The following LYPD1 variants were observed in gnomAD, a reference collection of about 807,000 sequenced individuals.
LYPD1 encodes the protein ly6/PLAUR domain-containing protein 1.
Under a neutral mutation model 14.2 loss-of-function variants are expected in LYPD1, and 14 were observed. The observed-to-expected ratio is 0.99, with a 90% CI of 0.65 to 1.54. The LOEUF (loss-of-function observed/expected upper bound fraction) is 1.54, where lower values mean the gene tolerates loss of function less well. Among genes scored for constraint, LYPD1 ranks in the 40% most tolerant of loss-of-function variants. The pLI is 0.00. For synonymous variants in LYPD1, 85 were observed against 70.6 expected, an observed-to-expected ratio of 1.20 and a Z score of -1.02; for missense variants, 165 against 175.7, an observed-to-expected ratio of 0.94 and a Z score of 0.34.
intron 2 of LYPD1, among the ~76,000 whole-genome samples, chr2:132,647,675 T>TGATAGTGTTTAATAC (rs1682177909): frequency 1.4e-5 from 2 of 145,590 alleles, no homozygotes; most frequent in East Asian, 3.9e-4. Context: ...TTTGGATAGA[T>TGATAGTGTTTAATAC]GATAGTGTTT....
rs766593818 is a variant in LYPD1, at chr2:132,645,620, G to C, written c.*425C>G. The C allele has an allele frequency of 6.2e-7, 1 of 1,602,480 alleles. No homozygotes were observed. The highest frequency in any genetic ancestry group is 2.2e-5 in the East Asian group (1 of 44,756). On this transcript the variant is annotated 3_prime_UTR_variant, in exon 3 of 3. Transcript: ENST00000397463. ...CATGAAGTTTGAATGTCAAGCGAGG[G>C]AGCCTTGAGTGGGAACTGGCCCTCC...
Position 132,645,391 on chromosome 2 carries a change from G to A in LYPD1, c.*654C>T, listed in dbSNP as rs559802992. 1.2e-6 allele frequency: 2 copies of A among 1,613,540 alleles called. No individual in the cohort carries two copies. The highest frequency in any genetic ancestry group is 1.1e-5 in the South Asian group (1 of 91,062). ...GCGCGTACATGCGCACTCCACCACC[G>A]ACAGCGCCCGCTTTGTGCAGCGCCC... On this transcript the variant is annotated 3_prime_UTR_variant, in exon 3 of 3. Coordinates refer to ENST00000397463, the MANE Select transcript of LYPD1 (RefSeq NM_144586.7).
chr2:132,646,560 T>C (rs1281029617), intron 2 of LYPD1: 1 of 323,058 alleles, frequency 3.1e-6, no homozygotes, highest in Non-Finnish European at 5.6e-6. Context: ...AATAGACTTA[T>C]TTACATTTTA....
chr2:132,667,570 T>C (rs1439607649), intron 2 of LYPD1, among the ~76,000 whole-genome samples: 1 of 152,230 alleles, frequency 6.6e-6, no homozygotes, highest in Non-Finnish European at 1.5e-5. Flanking sequence ...GTTATGCTAT[T>C]TCCCATCCTT....
rs192160380 is a variant in LYPD1, at chr2:132,663,565, C to T, written c.190+4835G>A. 5.9e-5 allele frequency among the ~76,000 whole-genome samples: 9 copies of T among 152,322 alleles called. 1 individual carries two copies. Among genetic ancestry groups the T allele is most frequent in the East Asian group, 5.8e-4 (3 of 5,186 alleles). On this transcript the variant is annotated intron_variant, in intron 2 of 2. Coordinates refer to ENST00000397463, the MANE Select transcript of LYPD1 (RefSeq NM_144586.7). Reference sequence around the variant, plus strand: ...TGCTGGGATTACAGGCATGAGCCGCCGTGCCCAGCTTCATTTTAAAGTTTT... The same window carrying T: ...TGCTGGGATTACAGGCATGAGCCGCTGTGCCCAGCTTCATTTTAAAGTTTT...
At chr2:132,656,930 A>G (rs1225016999) in intron 2 of LYPD1, among the ~76,000 whole-genome samples, 1 of 152,192 alleles carries the variant, frequency 6.6e-6, no homozygotes, top group Non-Finnish European at 1.5e-5. Context: ...TGAGAATAAT[A>G]TTAAGGGGCT....
In LYPD1 at chr2:132,669,126, C is replaced by T. The variant is rs1036698819; in HGVS notation, c.53-589G>A. ...AAGTCCCCGAGCCCGGGTCGGCGGC[C>T]CTTCTCCGGGGCCGTCCCCGCGGCG... On this transcript the variant is annotated intron_variant, in intron 1 of 2. Coordinates refer to ENST00000397463, the MANE Select transcript of LYPD1 (RefSeq NM_144586.7). The surrounding 1 kb of genome is among the most constrained non-coding windows in gnomAD (Gnocchi z 4.3). 6.6e-6 allele frequency among the ~76,000 whole-genome samples: 1 copy of T among 152,088 alleles called. No homozygotes were observed. The highest frequency in any genetic ancestry group is 1.5e-5 in the Non-Finnish European group (1 of 68,004).
rs185810008 is a variant in LYPD1, at chr2:132,656,834, G to A, written c.191-10554C>T. On this transcript the variant is annotated intron_variant, in intron 2 of 2. Coordinates refer to ENST00000397463, the MANE Select transcript of LYPD1 (RefSeq NM_144586.7). ...AATGCTAACAACTCATTTTAAAAAG[G>A]GAAAAAGAAAGGAAGTGCCAAGTTC... is the stretch of plus-strand genomic sequence containing the variant. Among the ~76,000 whole-genome samples, 180 of 152,218 alleles carry A rather than the reference G, an allele frequency of 1.2e-3. 1 individual carries two copies. The highest frequency in any genetic ancestry group is 2.2e-3 in the Non-Finnish European group (147 of 68,020).
chr2:132,653,872 C>A (rs1281945507), intron 2 of LYPD1, among the ~76,000 whole-genome samples: 1 of 152,284 alleles, frequency 6.6e-6, no homozygotes, highest in South Asian at 2.1e-4. Context: ...AGCAGACAAT[C>A]CCAAACTGAG....
intron 2 of LYPD1, among the ~76,000 whole-genome samples, chr2:132,659,634 G>A (rs1403374281): frequency 1.3e-5 from 2 of 152,202 alleles, no homozygotes; most frequent in Non-Finnish European, 2.9e-5. Context: ...TCAGTGACAG[G>A]CTGGGTGGAA....
In LYPD1 at chr2:132,645,014, A is replaced by C; in HGVS notation, c.*1031T>G. Reference sequence around the variant, plus strand: ...CCAGTAAGCACAGAACAGAGGGGCTAAATATTTTATGGTTTTATTCATTTA... The same window carrying C: ...CCAGTAAGCACAGAACAGAGGGGCTCAATATTTTATGGTTTTATTCATTTA... On this transcript the variant is annotated 3_prime_UTR_variant, in exon 3 of 3. Coordinates refer to ENST00000397463, the MANE Select transcript of LYPD1 (RefSeq NM_144586.7). The C allele has an allele frequency of 6.9e-7, 1 of 1,459,164 alleles. No homozygotes were observed. Among genetic ancestry groups the C allele is most frequent in the Non-Finnish European group, 9.3e-7 (1 of 1,078,482 alleles). 90.4% of individuals were successfully genotyped at this position (1,459,164 alleles called of 1,614,324 possible).
intron 2 of LYPD1, among the ~76,000 whole-genome samples, chr2:132,648,683 C>T (rs1682242124): frequency 6.6e-6 from 1 of 152,128 alleles, no homozygotes; most frequent in African/African-American, 2.4e-5. Flanking sequence ...TGTCGTTAGT[C>T]AGAAACAATT....
intron 2 of LYPD1, among the ~76,000 whole-genome samples, chr2:132,664,096 C>G (rs1257597374): frequency 6.6e-6 from 1 of 151,970 alleles, no homozygotes; most frequent in Non-Finnish European, 1.5e-5. Flanking sequence ...AGCTTGAGTG[C>G]ATGCACTCAA....
At chr2:132,661,815 TA>T (rs1335315719) in intron 2 of LYPD1, among the ~76,000 whole-genome samples, 1 of 152,044 alleles carries the variant, frequency 6.6e-6, no homozygotes, top group Non-Finnish European at 1.5e-5. Context: ...TGGTGATAGT[TA>T]CACTTCTCTA....
chr2:132,668,583 C>G, intron 1 of LYPD1, 46 bp from the exon 2 acceptor site: 2 of 1,599,070 alleles, frequency 1.3e-6, no homozygotes, highest in Non-Finnish European at 1.7e-6. Context: ...CCCACAGAGC[C>G]CACCCCGGAA....
At position 132,663,713 on chromosome 2, in the gene LYPD1, A is replaced by C. The variant is rs191287659; in HGVS notation, c.190+4687T>G. Among the ~76,000 whole-genome samples, 306 of 152,296 alleles carry C rather than the reference A, an allele frequency of 2.0e-3. 1 individual carries two copies. Among genetic ancestry groups the C allele is most frequent in the African/African-American group, 6.9e-3 (288 of 41,560 alleles). Reference sequence around the variant, plus strand: ...GATTCAAAATGGGGTTAACAGTGAGAAATTAAGGACTGCAGATGGGATGTC... The same window carrying C: ...GATTCAAAATGGGGTTAACAGTGAGCAATTAAGGACTGCAGATGGGATGTC... On this transcript the variant is annotated intron_variant, in intron 2 of 2. Transcript: ENST00000397463.
chr2:132,666,559 A>C (rs529287132), intron 2 of LYPD1: 1 of 152,220 alleles, frequency 6.6e-6, no homozygotes, highest in South Asian at 2.1e-4. Context: ...CAAGGTACCT[A>C]CCTTGTCTGA....
At chr2:132,670,238 C>A (rs1407616907), upstream of LYPD1, 2 of 701,288 alleles carry the variant, frequency 2.9e-6, no homozygotes, top group Non-Finnish European at 4.0e-6. This position sits in a 1 kb window ranked among gnomAD's most constrained non-coding sequence, Gnocchi z 4.5. Flanking sequence ...CCACAAAAGT[C>A]TCGCCTTTTC....
At chr2:132,659,213 A>G (rs774060138) in intron 2 of LYPD1, among the ~76,000 whole-genome samples, 4 of 152,306 alleles carry the variant, frequency 2.6e-5, no homozygotes, top group Non-Finnish European at 5.9e-5. Flanking sequence ...TTCTGCTATA[A>G]TATTTTGAAA....
Sources: gnomAD v4.1 joint callset for allele counts (sites outside exome capture counted in the v4.1 genomes callset) on GRCh38, gnomAD v4.1.1 for gene constraint, Gnocchi (gnomAD v3.1) non-coding constraint, MANE v1.5 for transcripts, NCBI Gene and HGNC (gene_info 2026-07-23, HGNC 2026-07-21) for gene names.